The following HDAC8 variants were observed in gnomAD, a reference collection of about 807,000 sequenced individuals.
The protein encoded by HDAC8 is histone deacetylase 8.
Under a neutral mutation model 32.2 loss-of-function variants are expected in HDAC8, and 1 was observed. The observed-to-expected ratio is 0.03, with a 90% CI of 0.01 to 0.15. HDAC8 has a LOEUF of 0.15. Among genes scored for constraint, HDAC8 ranks in the 10% least tolerant of loss-of-function variants. The pLI is 1.00. For missense variants in HDAC8, 117 were observed against 300.0 expected (o/e 0.39, Z 4.51); for synonymous variants, 108 against 113.9 (o/e 0.95, Z 0.33).
chrX:72,345,093 G>A (rs2043989302), intron 10 of HDAC8, among the ~76,000 whole-genome samples: 1 of 111,581 alleles, frequency 9.0e-6, no homozygotes, highest in Admixed American at 9.5e-5. Flanking sequence ...TTATCAGGAG[G>A]AGGGATCATG....
intron 7 of HDAC8, among the ~76,000 whole-genome samples, chrX:72,486,039 G>A (rs972682159): frequency 3.6e-5 from 4 of 110,977 alleles, no homozygotes; most frequent in African/African-American, 1.3e-4. Context: ...GGAGAATGGC[G>A]TGAACCCGGA....
rs1333493130 is a variant in HDAC8 at position 72,329,621 on chromosome X, C to G, written c.*433G>C. ...GTCTGCTGATCAGTACCCTCTCTCC[C>G]AGGGCTCCACCTGGATGGTCCTGAG... On this transcript the variant is annotated 3_prime_UTR_variant, in exon 11 of 11. Coordinates refer to ENST00000373573, the MANE Select transcript of HDAC8 (RefSeq NM_018486.3). The G allele has an allele frequency of 1.6e-5, 18 of 1,158,395 alleles. No individual in the cohort carries two copies. The East Asian group carries it at 5.1e-4, about 33-fold the overall frequency.
chrX:72,478,677 G>A (rs1369653176), intron 7 of HDAC8, among the ~76,000 whole-genome samples: 1 of 97,108 alleles, frequency 1.0e-5, no homozygotes, highest in African/African-American at 3.9e-5. Flanking sequence ...TTTTTTTGAC[G>A]GAGTCTTGCT....
At chrX:72,356,728 C>T (rs1463713145) in intron 9 of HDAC8, among the ~76,000 whole-genome samples, 2 of 111,546 alleles carry the variant, frequency 1.8e-5, no homozygotes, top group East Asian at 2.8e-4. Flanking sequence ...TACAGGAGCA[C>T]ACCACCATGC....
In HDAC8 at chrX:72,488,947, G is replaced by A; in HGVS notation, c.723C>T (p.Tyr241=). 1 of 1,179,469 alleles carries A rather than the reference G, an allele frequency of 8.5e-7. No individual in the cohort carries two copies. The change falls in exon 7 of 11, where the codon TAC becomes TAT. Residue 241 remains tyrosine (Y), a synonymous_variant. Coordinates refer to ENST00000373573, the MANE Select transcript of HDAC8 (RefSeq NM_018486.3). Reference sequence around the variant, plus strand: ...TACTGCCATACCTTTCACAGATCTGGTAATATTTTTCATCTTGTATGCCAT... The same window carrying A: ...TACTGCCATACCTTTCACAGATCTGATAATATTTTTCATCTTGTATGCCAT... ...IQDGIQDEKY[Y]QICESVLKEV... is the part of the protein sequence containing the mutation.
intron 9 of HDAC8, among the ~76,000 whole-genome samples, chrX:72,431,491 A>G (rs2147950846): frequency 9.0e-6 from 1 of 111,658 alleles, no homozygotes; most frequent in Non-Finnish European, 1.9e-5. Context: ...TATCATAAAC[A>G]AGGCTAAGGT....
chrX:72,386,542 A>G (rs2045433753), intron 9 of HDAC8, among the ~76,000 whole-genome samples: 1 of 111,807 alleles, frequency 8.9e-6, no homozygotes, highest in African/African-American at 3.3e-5. Context: ...CTGTTACTAT[A>G]CTATATTTAA....
intron 3 of HDAC8, 50 bp downstream of exon 3, chrX:72,568,704 A>T (rs1556141502): frequency 8.7e-7 from 1 of 1,153,720 alleles, no homozygotes; most frequent in Admixed American, 2.3e-5. Flanking sequence ...TACAAGTTAT[A>T]AAAAAAATTA....
intron 4 of HDAC8, among the ~76,000 whole-genome samples, chrX:72,563,987 C>T (rs1556127526): frequency 2.7e-5 from 3 of 110,995 alleles, no homozygotes; most frequent in Non-Finnish European, 5.7e-5. Flanking sequence ...CGGTGAAACC[C>T]CGTCTCTACT....
intron 7 of HDAC8, among the ~76,000 whole-genome samples, chrX:72,485,862 C>T (rs145983502): frequency 0.014 from 1,613 of 111,421 alleles, 25 homozygotes; most frequent in African/African-American, 0.049. Context: ...TGGCTCATGC[C>T]TGTAATCCCA....
intron 5 of HDAC8, 127 bp from the exon 6 acceptor site, chrX:72,491,133 G>T (rs2048857025): frequency 2.2e-6 from 1 of 446,757 alleles, no homozygotes; most frequent in South Asian, 4.0e-5. Context: ...AAACTAACAA[G>T]CTGAGGAATA....
At chrX:72,492,259 C>T (rs1556010315) in intron 5 of HDAC8, among the ~76,000 whole-genome samples, 1 of 112,153 alleles carries the variant, frequency 8.9e-6, no homozygotes, top group African/African-American at 3.2e-5. Flanking sequence ...TTGTTATTCT[C>T]TTTAATCTTA....
chrX:72,366,491 C>T (rs1454572814), intron 9 of HDAC8, among the ~76,000 whole-genome samples: 18 of 112,445 alleles, frequency 1.6e-4, no homozygotes, highest in African/African-American at 5.5e-4. Flanking sequence ...AGTTCCTCCT[C>T]TGTGTTCCCA....
At chrX:72,426,923 T>TTC (rs1273715542) in intron 9 of HDAC8, among the ~76,000 whole-genome samples, 1 of 109,611 alleles carries the variant, frequency 9.1e-6, no homozygotes, top group Non-Finnish European at 1.9e-5. Flanking sequence ...AGAGATTTTC[T>TTC]TCTCTCTCTC....
intron 7 of HDAC8, chrX:72,466,685 C>A (rs1020184756): frequency 8.9e-6 from 1 of 112,045 alleles, no homozygotes; most frequent in Non-Finnish European, 1.9e-5. Context: ...ATAGACTTAC[C>A]ATATGACCTA....
At chrX:72,410,405 G>A (rs1460057441) in intron 9 of HDAC8, among the ~76,000 whole-genome samples, 3 of 111,178 alleles carry the variant, frequency 2.7e-5, no homozygotes, top group African/African-American at 9.8e-5. Flanking sequence ...AAAGGACCAG[G>A]CTGGATGTGG....
intron 4 of HDAC8, among the ~76,000 whole-genome samples, chrX:72,559,076 T>G (rs1456350139): frequency 9.7e-5 from 2 of 20,546 alleles, no homozygotes; most frequent in African/African-American, 3.8e-4. Context: ...CCCCACGGTC[T>G]CCCTCTCCCT....
intron 10 of HDAC8, among the ~76,000 whole-genome samples, chrX:72,332,285 G>C (rs2043546003): frequency 8.9e-6 from 1 of 112,312 alleles, no homozygotes. Context: ...CATTTTTCTG[G>C]GACAAATGCT....
In HDAC8 at chrX:72,548,451, C is replaced by T. The variant is rs12156928; in HGVS notation, c.437+19438G>A. On this transcript the variant is annotated intron_variant, in intron 4 of 10. Coordinates refer to ENST00000373573, the MANE Select transcript of HDAC8 (RefSeq NM_018486.3). Reference sequence around the variant, plus strand: ...TGTGTAGTTTCTCAAATCTGCCAAACTATATTACATTGCTCTGCTTTTTAT... The same window carrying T: ...TGTGTAGTTTCTCAAATCTGCCAAATTATATTACATTGCTCTGCTTTTTAT... 2.5e-3 allele frequency among the ~76,000 whole-genome samples: 285 copies of T among 112,024 alleles called. 2 individuals carry two copies. Among genetic ancestry groups the T allele is most frequent in the Non-Finnish European group, 4.3e-3 (230 of 53,235 alleles).
Sources: allele counts gnomAD v4.1 joint callset (sites outside exome capture counted in the v4.1 genomes callset), GRCh38; gene constraint gnomAD v4.1.1; transcripts MANE v1.5; gene names NCBI Gene and HGNC (gene_info 2026-07-23, HGNC 2026-07-21).